CSMD2: variants seen among roughly 807,000 people sequenced by gnomAD.
CSMD2 encodes the protein CUB and sushi domain-containing protein 2.
CSMD2 carries 130 observed loss-of-function variants against 398.5 expected under a neutral mutation model. The ratio of observed to expected loss-of-function variants is 0.33; its 90% confidence interval spans 0.28 to 0.38. The LOEUF is 0.38. Ranked by LOEUF, CSMD2 falls within the 10% of genes least tolerant of loss-of-function variation. CSMD2 has a pLI of 1.00. For missense variants in CSMD2, 3,829 were observed against 4,764.9 expected (o/e 0.80, Z 5.78); for synonymous variants, 1,828 against 1,908.5 (o/e 0.96, Z 1.10).
At chr1:33,649,563 A>G (rs1030632929) in intron 28 of CSMD2, among the ~76,000 whole-genome samples, 1 of 152,234 alleles carries the variant, frequency 6.6e-6, no homozygotes, top group Non-Finnish European at 1.5e-5. Context: ...AGAATTGCTT[A>G]AACTCAGGAA....
intron 25 of CSMD2, among the ~76,000 whole-genome samples, chr1:33,668,657 T>C (rs1557701119): frequency 6.6e-6 from 1 of 152,152 alleles, no homozygotes; most frequent in Non-Finnish European, 1.5e-5. Context: ...CTGAGAACAG[T>C]TTGCAGCTCC....
chr1:33,596,571 A>G (rs1570879902), intron 44 of CSMD2, among the ~76,000 whole-genome samples: 1 of 152,192 alleles, frequency 6.6e-6, no homozygotes, highest in Non-Finnish European at 1.5e-5. Flanking sequence ...GGAAATTTAC[A>G]ATCATGGGAG....
At chr1:33,926,630 C>T (rs981948937) in intron 4 of CSMD2, among the ~76,000 whole-genome samples, 2 of 152,176 alleles carry the variant, frequency 1.3e-5, no homozygotes, top group Non-Finnish European at 2.9e-5. Context: ...GTTACAACTC[C>T]AGAGTCATAA....
intron 6 of CSMD2, among the ~76,000 whole-genome samples, chr1:33,831,269 A>G (rs199509920): frequency 2.6e-5 from 4 of 152,338 alleles, no homozygotes; most frequent in East Asian, 1.9e-4. Context: ...GAGAAAGGTT[A>G]GGTTACCCAC....
intron 5 of CSMD2, chr1:33,863,979 G>C: frequency 3.6e-6 from 2 of 548,528 alleles, no homozygotes; most frequent in South Asian, 4.8e-5. Context: ...ACAGGTGTTG[G>C]CTGGGATTGG....
At chr1:33,783,698 T>C (rs967568850) in intron 12 of CSMD2, among the ~76,000 whole-genome samples, 8 of 152,132 alleles carry the variant, frequency 5.3e-5, no homozygotes, top group African/African-American at 4.8e-5. Flanking sequence ...CCAGGGGACA[T>C]TGTGGTATGA....
rs1334390085 is a variant in CSMD2 at position 33,541,293 on chromosome 1, G to T, written c.9294C>A (p.Asp3098Glu). The change falls in exon 59 of 71, where the codon GAC (aspartate) becomes GAA (glutamate). Residue 3098 changes from aspartate (D) to glutamate (E), a missense_variant. Asp to Glu is a conservative substitution (Grantham distance 45). Transcript: ENST00000373381. ...GAAGGCCATTGGCTGGAATCCCAGG[G>T]TCACCACAGTTTATGACTAGGATAA... is the stretch of plus-strand genomic sequence containing the variant. Reference protein sequence around the residue: ...DPECLVINCGDPGIPANGLRL... With the variant: ...DPECLVINCGEPGIPANGLRL... 6.2e-7 allele frequency: 1 copy of T among 1,613,940 alleles called. No individual in the cohort carries two copies.
chr1:33,523,524 A>G (rs1411079042), intron 66 of CSMD2, 105 bp from the exon 67 acceptor site: 1 of 640,926 alleles, frequency 1.6e-6, no homozygotes, highest in Non-Finnish European at 2.8e-6. Context: ...TTTCATGTGT[A>G]GATGTTGATA....
chr1:33,559,521 C>G lies in CSMD2; in HGVS notation c.8381-48G>C. On this transcript the variant is annotated intron_variant, in intron 53 of 70. Coordinates refer to ENST00000373381, the MANE Select transcript of CSMD2 (RefSeq NM_001281956.2). The surrounding 1 kb of genome is among the most constrained non-coding windows in gnomAD (Gnocchi z 4.0). ...GTAAGCCCTCCTACTATTCCACACC[C>G]CTCAGAATTTATCCACCTCTCACCT... is the stretch of plus-strand genomic sequence containing the variant. 1 of 1,505,100 alleles carries G rather than the reference C, an allele frequency of 6.6e-7. No individual in the cohort carries two copies. Among genetic ancestry groups the G allele is most frequent in the Non-Finnish European group, 8.9e-7 (1 of 1,120,764 alleles). 93.2% of individuals were successfully genotyped at this position (1,505,100 alleles called of 1,614,324 possible).
intron 13 of CSMD2, among the ~76,000 whole-genome samples, chr1:33,755,868 A>C (rs775191890): frequency 6.6e-6 from 1 of 151,652 alleles, no homozygotes; most frequent in African/African-American, 2.4e-5. Context: ...GGGTCTCACT[A>C]TGTTGCTCAC....
intron 13 of CSMD2, among the ~76,000 whole-genome samples, chr1:33,754,187 A>G (rs925448561): frequency 6.6e-6 from 1 of 152,140 alleles, no homozygotes; most frequent in African/African-American, 2.4e-5. Context: ...GTAATCCTTA[A>G]TGTTGGACAT....
chr1:33,991,163 G>A (rs1646541750), intron 3 of CSMD2, among the ~76,000 whole-genome samples: 1 of 151,972 alleles, frequency 6.6e-6, no homozygotes, highest in African/African-American at 2.4e-5. Context: ...TCCCCACCAT[G>A]TCTGGTTGAT....
chr1:34,067,066 G>A (rs1471814227), intron 2 of CSMD2, among the ~76,000 whole-genome samples: 2 of 152,168 alleles, frequency 1.3e-5, no homozygotes, highest in African/African-American at 2.4e-5. Context: ...ATGAATGCCC[G>A]CACCAGGGCT....
intron 5 of CSMD2, among the ~76,000 whole-genome samples, chr1:33,883,041 C>T (rs1296415625): frequency 6.6e-6 from 1 of 152,206 alleles, no homozygotes; most frequent in Non-Finnish European, 1.5e-5. Context: ...TGTCCAGCCC[C>T]TCCTTGACTC....
At chr1:33,574,600 A>G (rs1364443388) in intron 49 of CSMD2, among the ~76,000 whole-genome samples, 1 of 152,164 alleles carries the variant, frequency 6.6e-6, no homozygotes, top group Non-Finnish European at 1.5e-5. Flanking sequence ...GCTTGATGCT[A>G]TAAGAATTTC....
At chr1:33,652,534 A>G (rs1360215159) in intron 27 of CSMD2, 73 bp from the exon 28 acceptor site, 1 of 1,561,836 alleles carries the variant, frequency 6.4e-7, no homozygotes, top group African/African-American at 1.4e-5. Context: ...TTGCTAATGC[A>G]CTATTGAGAG....
In CSMD2 at chr1:33,716,568, G is replaced by A. The variant is rs796246675; in HGVS notation, c.3002-67C>T. On this transcript the variant is annotated intron_variant, in intron 19 of 70. Transcript: ENST00000373381. Reference sequence around the variant, plus strand: ...GCTGGAGAACCTCAGCTGCAAGACAGGATCTACACAAACATTTCCAGTTTG... The same window carrying A: ...GCTGGAGAACCTCAGCTGCAAGACAAGATCTACACAAACATTTCCAGTTTG... The A allele has an allele frequency of 7.4e-5, 67 of 900,188 alleles. No individual in the cohort carries two copies. The African/African-American group carries it at 1.1e-3, about 15-fold the overall frequency. 55.8% of individuals were successfully genotyped at this position (900,188 alleles called of 1,614,324 possible). A position where few individuals can be genotyped will look rare whatever the true frequency, so the allele number is the denominator to read the frequency against.
intron 5 of CSMD2, among the ~76,000 whole-genome samples, chr1:33,858,042 T>A (rs1639225211): frequency 6.6e-6 from 1 of 152,218 alleles, no homozygotes; most frequent in Non-Finnish European, 1.5e-5. Context: ...ATTCTGTGTC[T>A]AATCATCTGA....
At chr1:33,669,194 A>C (rs566990572) in intron 25 of CSMD2, among the ~76,000 whole-genome samples, 28 of 152,306 alleles carry the variant, frequency 1.8e-4, no homozygotes, top group South Asian at 1.2e-3. Context: ...CCTTTCTTTT[A>C]CACCATCTTC....
Sources: gnomAD v4.1 joint callset for allele counts (sites outside exome capture counted in the v4.1 genomes callset) on GRCh38, gnomAD v4.1.1 for gene constraint, Gnocchi (gnomAD v3.1) non-coding constraint, MANE v1.5 for transcripts, NCBI Gene and HGNC (gene_info 2026-07-23, HGNC 2026-07-21) for gene names.